The following CSMD2 variants were observed in gnomAD, a reference collection of about 807,000 sequenced individuals.
CSMD2 encodes the protein CUB and Sushi multiple domains 2.
CSMD2 carries 130 observed loss-of-function variants against 398.5 expected under a neutral mutation model. That is an observed-to-expected ratio of 0.33 (90% CI 0.28 to 0.38). The LOEUF (loss-of-function observed/expected upper bound fraction) is 0.38, where lower values mean the gene tolerates loss of function less well. CSMD2 is among the 10% of genes least tolerant of loss of function. The pLI is 1.00. For missense variants in CSMD2, 3,829 were observed against 4,764.9 expected (o/e 0.80, Z 5.78); for synonymous variants, 1,828 against 1,908.5 (o/e 0.96, Z 1.10).
intron 2 of CSMD2, among the ~76,000 whole-genome samples, chr1:34,045,298 C>T (rs1349633992): frequency 6.6e-6 from 1 of 152,146 alleles, no homozygotes; most frequent in Non-Finnish European, 1.5e-5. Context: ...GCTGTAGCTA[C>T]ATTAGCTATG....
rs1168663159 is a variant in CSMD2 at position 33,605,389 on chromosome 1, G to A, written c.6425C>T (p.Ser2142Leu). The change falls in exon 42 of 71, where the codon TCA (serine) becomes TTA (leucine). Residue 2142 changes from serine (S) to leucine (L), a missense_variant. By Grantham distance (145) the Ser-to-Leu change is moderately radical (BLOSUM62 -2). Coordinates refer to ENST00000373381, the MANE Select transcript of CSMD2 (RefSeq NM_001281956.2). The stretch of plus-strand genomic sequence containing the variant: ...CCCCGGGAGGCACTCGAAGGTCACT[G>A]ATTGTCCCACGTTGTAGCCAGCTCC... Reference protein sequence around the residue: ...VRGAGYNVGQSVTFECLPGYQ... With the variant: ...VRGAGYNVGQLVTFECLPGYQ... The A allele has an allele frequency of 8.7e-6, 14 of 1,614,212 alleles. 1 individual carries two copies. In the Admixed American group the frequency reaches 2.3e-4, roughly 27 times the overall value.
chr1:34,112,381 A>G (rs748055533), intron 1 of CSMD2, among the ~76,000 whole-genome samples: 1 of 152,166 alleles, frequency 6.6e-6, no homozygotes, highest in Non-Finnish European at 1.5e-5. Context: ...GCCCCAGCCT[A>G]TATAACTACC....
intron 12 of CSMD2, among the ~76,000 whole-genome samples, chr1:33,774,234 C>T (rs1252080275): frequency 6.6e-6 from 1 of 151,724 alleles, no homozygotes; most frequent in African/African-American, 2.4e-5. Flanking sequence ...CATCTCAAAT[C>T]AAATGTAAGT....
At chr1:33,794,915 A>G (rs1485588243) in intron 10 of CSMD2, among the ~76,000 whole-genome samples, 1 of 151,458 alleles carries the variant, frequency 6.6e-6, no homozygotes, top group Non-Finnish European at 1.5e-5. Flanking sequence ...GGCCTGTAGC[A>G]AGGTCTAGGT....
intron 1 of CSMD2, among the ~76,000 whole-genome samples, chr1:34,160,056 G>A (rs77986363): frequency 0.016 from 2,481 of 152,260 alleles, 71 homozygotes; most frequent in African/African-American, 0.057. Context: ...TCCTGCTGGC[G>A]TGATGATGAG....
chr1:34,087,960 A>C (rs12046393), intron 2 of CSMD2, among the ~76,000 whole-genome samples: 1 of 152,138 alleles, frequency 6.6e-6, no homozygotes. Flanking sequence ...AAGCTGCAGA[A>C]GGGGTGCAGG....
intron 3 of CSMD2, among the ~76,000 whole-genome samples, chr1:33,961,797 C>T (rs919961597): frequency 1.3e-5 from 2 of 152,278 alleles, no homozygotes; most frequent in Admixed American, 6.5e-5. Flanking sequence ...CCTTCACCTT[C>T]CCCCATGACT....
At chr1:33,841,641 GA>G (rs10628548) in intron 6 of CSMD2, among the ~76,000 whole-genome samples, 1 of 149,562 alleles carries the variant, frequency 6.7e-6, no homozygotes, top group African/African-American at 2.5e-5. Flanking sequence ...TACCAGAACT[GA>G]AAAAAAAAAC....
At position 33,810,861 on chromosome 1, in the gene CSMD2, C is replaced by A. The variant is rs61771030; in HGVS notation, c.1328G>T (p.Arg443Leu). The change falls in exon 10 of 71, where the codon CGC becomes CTC. Residue 443 changes from arginine to leucine, a missense_variant. Physicochemically the swap from Arg to Leu is moderately radical, Grantham distance 102. Transcript: ENST00000373381. ...GCCTCGAAGGTGGGCATCACACATG[C>A]GGGCTGCAGAGGAGATGAAAGACAA... The part of the protein sequence containing the change: ...WSDHRPVCRA[R>L]MCDAHLRGPS... The A allele has an allele frequency of 4.3e-6, 7 of 1,610,854 alleles. No homozygotes were observed. In the Admixed American group the frequency reaches 8.4e-5, roughly 19 times the overall value.
At chr1:34,000,311 A>C (rs937979974) in intron 3 of CSMD2, among the ~76,000 whole-genome samples, 4 of 152,084 alleles carry the variant, frequency 2.6e-5, no homozygotes, top group African/African-American at 9.7e-5. Context: ...GAATGTGAGG[A>C]GACTGAAGGA....
At chr1:33,591,295 C>T (rs981746154) in intron 44 of CSMD2, among the ~76,000 whole-genome samples, 1 of 152,228 alleles carries the variant, frequency 6.6e-6, no homozygotes, top group Admixed American at 6.5e-5. Flanking sequence ...GCCTCATTTG[C>T]AGCCTTTAAA....
intron 53 of CSMD2, among the ~76,000 whole-genome samples, chr1:33,563,127 A>G (rs1305228915): frequency 6.6e-6 from 1 of 152,252 alleles, no homozygotes; most frequent in Non-Finnish European, 1.5e-5. Flanking sequence ...AACTAGACCT[A>G]GTTTCCTAAG....
chr1:33,843,808 G>T (rs1327551245), intron 6 of CSMD2, among the ~76,000 whole-genome samples: 1 of 152,152 alleles, frequency 6.6e-6, no homozygotes, highest in African/African-American at 2.4e-5. Context: ...CCCTCCTCAC[G>T]CCCTGGCTAC....
At chr1:33,902,945 G>C (rs1219059117) in intron 5 of CSMD2, among the ~76,000 whole-genome samples, 1 of 152,174 alleles carries the variant, frequency 6.6e-6, no homozygotes, top group Non-Finnish European at 1.5e-5. Flanking sequence ...CCCAACCCCA[G>C]GGTGGGCAAG....
At position 33,519,487 on chromosome 1, in the gene CSMD2, C is replaced by T. The variant is rs754279272; in HGVS notation, c.*31G>A. The T allele has an allele frequency of 8.7e-6, 14 of 1,605,812 alleles. No individual in the cohort carries two copies. Among genetic ancestry groups the T allele is most frequent in the South Asian group, 6.6e-5 (6 of 90,748 alleles). On this transcript the variant is annotated 3_prime_UTR_variant, in exon 70 of 71. Transcript: ENST00000373381. The surrounding 1 kb of genome is among the most constrained non-coding windows in gnomAD (Gnocchi z 5.6). The stretch of plus-strand genomic sequence containing the variant: ...CACCGGCTGCTGGAGGCGGGGCTCT[C>T]GGTGGCGGTGGTGGCGGCCAGGCCG...
At chr1:33,767,688 A>G (rs1028970926) in intron 13 of CSMD2, among the ~76,000 whole-genome samples, 3 of 152,322 alleles carry the variant, frequency 2.0e-5, no homozygotes, top group East Asian at 3.9e-4. Context: ...ACCCCAGTAT[A>G]TTGTATGTTG....
At chr1:33,551,696 G>A (rs1006528109) in intron 55 of CSMD2, among the ~76,000 whole-genome samples, 1 of 152,204 alleles carries the variant, frequency 6.6e-6, no homozygotes, top group African/African-American at 2.4e-5. Context: ...TGCAAAGACT[G>A]CTGCTACTAA....
chr1:33,911,703 C>G (rs1643452325), intron 5 of CSMD2, among the ~76,000 whole-genome samples: 1 of 152,216 alleles, frequency 6.6e-6, no homozygotes, highest in South Asian at 2.1e-4. Flanking sequence ...GGGAAATTCT[C>G]TTTCCAAAAA....
At chr1:33,852,715 CTTT>C (rs1454205033) in intron 5 of CSMD2, among the ~76,000 whole-genome samples, 10 of 152,252 alleles carry the variant, frequency 6.6e-5, no homozygotes, top group Non-Finnish European at 1.3e-4. Context: ...ATAAAATCTT[CTTT>C]TTGTCTCAGT....
Sources: allele counts gnomAD v4.1 joint callset (sites outside exome capture counted in the v4.1 genomes callset), GRCh38; gene constraint gnomAD v4.1.1; non-coding constraint Gnocchi (gnomAD v3.1); transcripts MANE v1.5; gene names NCBI Gene and HGNC (gene_info 2026-07-23, HGNC 2026-07-21).